The following RHAG variants were observed in gnomAD, a reference collection of about 807,000 sequenced individuals.
The protein encoded by RHAG is ammonium transporter Rh type A.
A neutral mutation model predicts 42.4 loss-of-function variants in RHAG; 25 were observed. The observed-to-expected ratio is 0.59, with a 90% CI of 0.43 to 0.82. The LOEUF is 0.82. Ranked by LOEUF, RHAG falls within the 40% of genes least tolerant of loss-of-function variation. The pLI, the probability that RHAG is intolerant of heterozygous loss-of-function variation, is 0.00. For synonymous variants in RHAG, 182 were observed against 177.7 expected, an observed-to-expected ratio of 1.02 and a Z score of -0.19; for missense variants, 483 against 504.6, an observed-to-expected ratio of 0.96 and a Z score of 0.41.
intron 6 of RHAG, 128 bp from the exon 7 acceptor site, chr6:49,611,273 T>C (rs1445201729): frequency 1.4e-6 from 1 of 713,392 alleles, no homozygotes; most frequent in African/African-American, 1.8e-5. Context: ...TTTTTATGTA[T>C]ATTTAAGGTA....
intron 1 of RHAG, among the ~76,000 whole-genome samples, chr6:49,635,013 C>T (rs9473632): frequency 0.22 from 29,953 of 133,344 alleles, 3,571 homozygotes; most frequent in African/African-American, 0.3. Flanking sequence ...GGGGGTGGGG[C>T]GAGGGGTGAT....
chr6:49,619,315 T>C lies in RHAG; in HGVS notation c.205A>G (p.Met69Val), dbSNP rs752360703. The part of the protein sequence containing the change: ...VMIFVGFGFL[M>V]TFLKKYGFSS... ...AAGCCATATTTCTTCAGGAAGGTCA[T>C]GAGGAAGCCAAACCCAACAAATATC... Residue 69 changes from methionine to valine, a missense_variant, in exon 2 of 10, where the codon ATG becomes GTG. Met to Val is a conservative substitution (Grantham distance 21, BLOSUM62 1). Coordinates refer to ENST00000371175, the MANE Select transcript of RHAG (RefSeq NM_000324.3). 3 of 1,613,962 alleles carry C rather than the reference T, an allele frequency of 1.9e-6. No homozygotes were observed. Among genetic ancestry groups the C allele is most frequent in the African/African-American group, 1.3e-5 (1 of 74,878 alleles).
intron 4 of RHAG, 47 bp downstream of exon 4, chr6:49,615,577 G>A (rs1270212421): frequency 1.2e-6 from 2 of 1,605,724 alleles, no homozygotes; most frequent in Non-Finnish European, 1.7e-6. Context: ...ACCTTCTCTG[G>A]TGCCTTTTCA....
At chr6:49,620,344 A>G (rs1357084726) in intron 1 of RHAG, among the ~76,000 whole-genome samples, 1 of 152,220 alleles carries the variant, frequency 6.6e-6, no homozygotes, top group Non-Finnish European at 1.5e-5. Flanking sequence ...AGATAGTGAA[A>G]ACATGAGCTC....
rs944329036 is a variant in RHAG at position 49,626,106 on chromosome 6, G to A, written c.158-6744C>T. ...GAACACAGACAAACCATCTCATTTC[G>A]CTCCAGCCCCTCCAAAATCTCATGT... On this transcript the variant is annotated intron_variant, in intron 1 of 9. Transcript: ENST00000371175. 5.3e-5 allele frequency among the ~76,000 whole-genome samples: 8 copies of A among 151,996 alleles called. No homozygotes were observed. The East Asian group carries it at 1.4e-3, about 26-fold the overall frequency.
At chr6:49,613,748 T>C (rs913047761) in intron 5 of RHAG, among the ~76,000 whole-genome samples, 4 of 152,156 alleles carry the variant, frequency 2.6e-5, no homozygotes, top group Non-Finnish European at 4.4e-5. Flanking sequence ...TGCAGACACA[T>C]AAAAGTTGTA....
At chr6:49,619,546 T>C (rs1342577114) in intron 1 of RHAG, among the ~76,000 whole-genome samples, 184 bp from the exon 2 acceptor site, 2 of 152,182 alleles carry the variant, frequency 1.3e-5, no homozygotes, top group Non-Finnish European at 2.9e-5. Flanking sequence ...CCAAGAGACT[T>C]TGGCAAGTTA....
intron 1 of RHAG, among the ~76,000 whole-genome samples, chr6:49,621,519 A>T (rs538075487): frequency 6.6e-6 from 1 of 152,118 alleles, no homozygotes; most frequent in African/African-American, 2.4e-5. Flanking sequence ...TTCCCATCCC[A>T]TACCTACCCA....
intron 7 of RHAG, 57 bp downstream of exon 7, chr6:49,610,967 G>T (rs915231589): frequency 1.9e-6 from 3 of 1,604,000 alleles, no homozygotes; most frequent in Non-Finnish European, 2.6e-6. Context: ...CCATTTCTCA[G>T]AGTGAGAGAA....
chr6:49,605,873 C>T, intron 9 of RHAG, 43 bp from the exon 10 acceptor site: 2 of 1,527,578 alleles, frequency 1.3e-6, no homozygotes, highest in Non-Finnish European at 1.8e-6. Flanking sequence ...GTTTATTTCA[C>T]TGTTCTTGTC....
At chr6:49,622,671 C>T (rs1043366786) in intron 1 of RHAG, among the ~76,000 whole-genome samples, 5 of 152,068 alleles carry the variant, frequency 3.3e-5, no homozygotes, top group South Asian at 2.1e-4. Flanking sequence ...TTCTTTCGTT[C>T]GTAAATTGCC....
intron 3 of RHAG, among the ~76,000 whole-genome samples, chr6:49,617,795 G>T (rs1762678278): frequency 6.6e-6 from 1 of 152,180 alleles, no homozygotes; most frequent in Admixed American, 6.5e-5. Context: ...ACTCTCGCAA[G>T]CCATTCAGCA....
chr6:49,620,326 C>G (rs1289029717), intron 1 of RHAG, among the ~76,000 whole-genome samples: 1 of 152,128 alleles, frequency 6.6e-6, no homozygotes, highest in Non-Finnish European at 1.5e-5. Flanking sequence ...AACATATGAT[C>G]AAATGCAAGA....
rs765649819 is a variant in RHAG at position 49,607,268 on chromosome 6, CAAAG to C, written c.1068-52_1068-49del. 4.0e-6 allele frequency: 6 copies of C among 1,489,370 alleles called. No homozygotes were observed. The South Asian group carries it at 4.6e-5, about 12-fold the overall frequency. The allele number at this position is 1,489,370 out of a possible 1,614,324, so 92.3% of individuals were successfully genotyped here. On this transcript the variant is annotated intron_variant, in intron 7 of 9. Coordinates refer to ENST00000371175, the MANE Select transcript of RHAG (RefSeq NM_000324.3). ...ATCAGTGTCTTTCCTGGATCTCAGCCAAAGAAAGTCTCACTCACTGAGGGTGTGG... is the reference window on the plus strand; with the variant it reads ...ATCAGTGTCTTTCCTGGATCTCAGCCAAAGTCTCACTCACTGAGGGTGTGG...
chr6:49,628,506 T>C (rs4711931), intron 1 of RHAG, among the ~76,000 whole-genome samples: 145,130 of 151,920 alleles, frequency 0.96, 69,365 homozygotes, highest in East Asian at 1. Context: ...TAAGGTGGCG[T>C]GTCTGGGTCT....
intron 3 of RHAG, among the ~76,000 whole-genome samples, chr6:49,617,841 A>G (rs1205330182): frequency 6.6e-6 from 1 of 152,214 alleles, no homozygotes; most frequent in Non-Finnish European, 1.5e-5. Context: ...TATACATGAT[A>G]ATAAAAATAA....
chr6:49,633,448 T>C (rs894889294), intron 1 of RHAG, among the ~76,000 whole-genome samples: 1 of 152,204 alleles, frequency 6.6e-6, no homozygotes, highest in Non-Finnish European at 1.5e-5. Flanking sequence ...GGGAAATCCA[T>C]ATAGCATATA....
chr6:49,630,675 A>G (rs1455743198), intron 1 of RHAG, among the ~76,000 whole-genome samples: 2 of 152,194 alleles, frequency 1.3e-5, no homozygotes, highest in Non-Finnish European at 2.9e-5. Flanking sequence ...CAGATTTATC[A>G]GTTATTAATA....
intron 2 of RHAG, 144 bp downstream of exon 2, chr6:49,619,035 T>G (rs1762705617): frequency 2.3e-6 from 2 of 885,720 alleles, no homozygotes; most frequent in Middle Eastern, 2.1e-4. Flanking sequence ...ACAAGGACAC[T>G]GATCCCATTC....
Sources: gnomAD v4.1 joint callset for allele counts (sites outside exome capture counted in the v4.1 genomes callset) on GRCh38, gnomAD v4.1.1 for gene constraint, MANE v1.5 for transcripts, NCBI Gene and HGNC (gene_info 2026-07-23, HGNC 2026-07-21) for gene names.